The following RDH16 variants were observed in gnomAD, a reference collection of about 807,000 sequenced individuals.
RDH16 encodes the protein human epidermal retinol dehydrogenase.
In RDH16, 25 loss-of-function variants were observed where a neutral mutation model predicts 22.3. The observed-to-expected ratio is 1.12, with a 90% CI of 0.82 to 1.56. RDH16 has a LOEUF of 1.56. Among genes scored for constraint, RDH16 ranks in the 40% most tolerant of loss-of-function variants. The pLI is 0.00. For synonymous variants in RDH16, 154 were observed against 164.4 expected (o/e 0.94, Z 0.48); for missense variants, 413 against 394.9 (o/e 1.05, Z -0.39).
rs1955914303 is a variant in RDH16, at chr12:56,954,983, G to A, written c.495C>T (p.Val165=). 3.7e-6 allele frequency: 6 copies of A among 1,614,052 alleles called. No homozygotes were observed. The highest frequency in any genetic ancestry group is 4.2e-6 in the Non-Finnish European group (5 of 1,180,028). Residue 165 remains valine, a synonymous_variant, in exon 2 of 4, where the codon GTC becomes GTT. Transcript: ENST00000398138. ...ARGRVVNVSS[V]MGRVSLFGGG... ...CACCAAAAAGTGACACCCGGCCCAT[G>A]ACACTGGAGACGTTGACCACACGGC... is the stretch of plus-strand genomic sequence containing the variant.
In RDH16 at chr12:56,952,926, C is replaced by G. The variant is rs140658779; in HGVS notation, c.637G>C (p.Val213Leu). 2 of 1,613,972 alleles carry G rather than the reference C, an allele frequency of 1.2e-6. No individual in the cohort carries two copies. Among genetic ancestry groups the G allele is most frequent in the Admixed American group, 1.7e-5 (1 of 60,000 alleles). Reference protein sequence around the residue: ...MIEPGYFKTAVTSKERFLKSF... With the variant: ...MIEPGYFKTALTSKERFLKSF... ...TTTAAGAATCTCTCCTTACTGGTCA[C>G]AGCAGTCTTGAAATAGCCAGGTTCA... The change falls in exon 3 of 4, where the codon GTG (valine) becomes CTG (leucine). Residue 213 changes from valine (V) to leucine (L), a missense_variant. Coordinates refer to ENST00000398138, the MANE Select transcript of RDH16 (RefSeq NM_003708.5).
rs1175607153 is a variant in RDH16 at position 56,957,532 on chromosome 12, G to A, written c.-70C>T. On this transcript the variant is annotated 5_prime_UTR_variant, in exon 1 of 4. Coordinates refer to ENST00000398138, the MANE Select transcript of RDH16 (RefSeq NM_003708.5). Reference sequence around the variant, plus strand: ...AGTCTGGCCTCTGTTCAGACAGGAGGATTTAAGAACACAGAGGGCTGTGGT... The same window carrying A: ...AGTCTGGCCTCTGTTCAGACAGGAGAATTTAAGAACACAGAGGGCTGTGGT... The A allele has an allele frequency of 8.0e-6, 12 of 1,509,380 alleles. No individual in the cohort carries two copies. Among genetic ancestry groups the A allele is most frequent in the Non-Finnish European group, 1.1e-5 (12 of 1,115,410 alleles). The allele number at this position is 1,509,380 out of a possible 1,614,324, so 93.5% of individuals were successfully genotyped here.
chr12:56,952,954 C>T lies in RDH16; in HGVS notation c.609G>A (p.Met203Ile), dbSNP rs1323820345. 4 of 1,613,744 alleles carry T rather than the reference C, an allele frequency of 2.5e-6. No homozygotes were observed. In the Admixed American group the frequency reaches 5.0e-5, roughly 20 times the overall value. Residue 203 changes from methionine to isoleucine, a missense_variant, in exon 3 of 4, where the codon ATG (methionine) becomes ATA (isoleucine). By Grantham distance (10) the Met-to-Ile change is conservative. Transcript: ENST00000398138. ...ELSYFGVKVA[M>I]IEPGYFKTAV... ...CAGTCTTGAAATAGCCAGGTTCAAT[C>T]ATAGCCACCTTCACCCCAAAGTAGG...
At chr12:56,956,052 C>T (rs1955925864) in intron 1 of RDH16, among the ~76,000 whole-genome samples, 1 of 152,144 alleles carries the variant, frequency 6.6e-6, no homozygotes. Context: ...CAGGGGGTGG[C>T]AGTTGTTGAT....
At chr12:56,954,775 T>C (rs1955911364) in intron 2 of RDH16, 131 bp downstream of exon 2, 3 of 961,044 alleles carry the variant, frequency 3.1e-6, no homozygotes, top group South Asian at 3.4e-5. Context: ...GATGAGGGTG[T>C]CACACATGAA....
In RDH16 at chr12:56,952,264, C is replaced by T. The variant is rs751714293; in HGVS notation, c.737-18G>A. On this transcript the variant is annotated intron_variant, in intron 3 of 3. Coordinates refer to ENST00000398138, the MANE Select transcript of RDH16 (RefSeq NM_003708.5). The stretch of plus-strand genomic sequence containing the variant: ...TTTCTTATCTGTTAAGAATCAGAAA[C>T]AATCCATGTATATTTCCACCTCTAA... 1.2e-6 allele frequency: 2 copies of T among 1,610,520 alleles called. No individual in the cohort carries two copies. Among genetic ancestry groups the T allele is most frequent in the African/African-American group, 1.3e-5 (1 of 74,948 alleles).
rs1955879640 is a variant in RDH16, at chr12:56,951,660, G to C, written c.*369C>G. On this transcript the variant is annotated 3_prime_UTR_variant, in exon 4 of 4. Transcript: ENST00000398138. ...TAGACTGGCCCAGAATTAACACACA[G>C]CCTGATAAGGAAGCAGGAGGTAATG... 3.6e-6 allele frequency: 1 copy of C among 276,510 alleles called. No individual in the cohort carries two copies. The highest frequency in any genetic ancestry group is 2.1e-5 in the African/African-American group (1 of 46,638). The allele number at this position is 276,510 out of a possible 1,614,324, so 17.1% of individuals were successfully genotyped here. A position where few individuals can be genotyped will look rare whatever the true frequency, so the allele number is the denominator to read the frequency against.
chr12:56,957,319 C>CT lies in RDH16; in HGVS notation c.143dup (p.Leu49AlafsTer64). 6.2e-7 allele frequency: 1 copy of CT among 1,614,204 alleles called. No individual in the cohort carries two copies. Among genetic ancestry groups the CT allele is most frequent in the Non-Finnish European group, 8.5e-7 (1 of 1,180,048 alleles). Reference sequence around the variant, plus strand: ...GCACCCGCAAGCCTCGTGCATCCAGCTGTCTGGCCAGCAGTTTCCCGAAGC... The same window carrying CT: ...GCACCCGCAAGCCTCGTGCATCCAGCTTGTCTGGCCAGCAGTTTCCCGAAGC... On this transcript the variant is annotated frameshift_variant, in exon 1 of 4. Coordinates refer to ENST00000398138, the MANE Select transcript of RDH16 (RefSeq NM_003708.5). LOFTEE classifies it high-confidence loss of function.
chr12:56,953,118 T>G, intron 2 of RDH16, 128 bp from the exon 3 acceptor site: 1 of 873,862 alleles, frequency 1.1e-6, no homozygotes, highest in East Asian at 2.6e-5. Context: ...TTGGAATATT[T>G]AATTTCCAGC....
intron 3 of RDH16, 119 bp from the exon 4 acceptor site, chr12:56,952,365 A>C (rs1592430896): frequency 1.1e-6 from 1 of 886,238 alleles, no homozygotes; most frequent in Non-Finnish European, 1.7e-6. Context: ...CCAGTCAAGC[A>C]ATGCCTCAAA....
At position 56,957,571 on chromosome 12, in the gene RDH16, C is replaced by G; in HGVS notation, c.-109G>C. 1 of 1,285,420 alleles carries G rather than the reference C, an allele frequency of 7.8e-7. No homozygotes were observed. Among genetic ancestry groups the G allele is most frequent in the Non-Finnish European group, 1.1e-6 (1 of 930,006 alleles). 79.6% of individuals were successfully genotyped at this position (1,285,420 alleles called of 1,614,324 possible). The stretch of plus-strand genomic sequence containing the variant: ...GAGGGCTGTGGTAGGCAGGGAAGCC[C>G]TCAGGCATTTTGGCAGGGAATCCTC... On this transcript the variant is annotated 5_prime_UTR_variant, in exon 1 of 4. Transcript: ENST00000398138.
rs749014497 is a variant in RDH16, at chr12:56,954,857, C to T, written c.572+49G>A. 3.1e-6 allele frequency: 5 copies of T among 1,600,660 alleles called. No homozygotes were observed. In the East Asian group the frequency reaches 1.1e-4, roughly 36 times the overall value. ...GAACTCCCTGGAAAAGACTTCCCCACAAGGACAGGAGCAGGAAGACTAGGG... is the reference window on the plus strand; with the variant it reads ...GAACTCCCTGGAAAAGACTTCCCCATAAGGACAGGAGCAGGAAGACTAGGG... On this transcript the variant is annotated intron_variant, in intron 2 of 3. Transcript: ENST00000398138.
chr12:56,951,639 C>A lies in RDH16; in HGVS notation c.*390G>T. On this transcript the variant is annotated 3_prime_UTR_variant, in exon 4 of 4. Coordinates refer to ENST00000398138, the MANE Select transcript of RDH16 (RefSeq NM_003708.5). ...TTTCCACCCCGTGGGAGGGTGTAGA[C>A]TGGCCCAGAATTAACACACAGCCTG... The A allele has an allele frequency of 4.2e-6, 1 of 239,338 alleles. No individual in the cohort carries two copies. Among genetic ancestry groups the A allele is most frequent in the Middle Eastern group, 1.6e-3 (1 of 640 alleles). 14.8% of individuals were successfully genotyped at this position (239,338 alleles called of 1,614,324 possible). A position where few individuals can be genotyped will look rare whatever the true frequency, so the allele number is the denominator to read the frequency against.
intron 2 of RDH16, 104 bp from the exon 3 acceptor site, chr12:56,953,094 G>A: frequency 9.8e-7 from 1 of 1,020,858 alleles, no homozygotes; most frequent in East Asian, 2.5e-5. Context: ...AGGACAATGG[G>A]TAAAATAGAA....
chr12:56,955,037 G>T lies in RDH16; in HGVS notation c.441C>A (p.Ser147Arg). 1 of 1,614,164 alleles carries T rather than the reference G, an allele frequency of 6.2e-7. No homozygotes were observed. Among genetic ancestry groups the T allele is most frequent in the Non-Finnish European group, 8.5e-7 (1 of 1,180,034 alleles). The change falls in exon 2 of 4, where the codon AGC becomes AGA. Residue 147 changes from serine (S) to arginine (R), a missense_variant. Physicochemically the swap from Ser to Arg is moderately radical, Grantham distance 110. Coordinates refer to ENST00000398138, the MANE Select transcript of RDH16 (RefSeq NM_003708.5). ...NLLGVIDVTL[S>R]LLPLVRRARG... ...TGGCCCTCCTCACTAAGGGCAGCAG[G>T]CTCAGAGTCACATCAATCACCCCCA...
Position 56,952,109 on chromosome 12 carries a change from G to A in RDH16, c.874C>T (p.Leu292Phe). The A allele has an allele frequency of 6.2e-7, 1 of 1,614,194 alleles. No homozygotes were observed. The highest frequency in any genetic ancestry group is 8.5e-7 in the Non-Finnish European group (1 of 1,180,042). ...AAGGTGGGCATGTAGCTCATGGGGA[G>A]GTAGAGAAGCTTGGCATCCCAGCCA... The part of the protein sequence containing the change: ...SAGWDAKLLY[L>F]PMSYMPTFLV... The change falls in exon 4 of 4, where the codon CTC (leucine) becomes TTC (phenylalanine). Residue 292 changes from leucine to phenylalanine, a missense_variant. Physicochemically the swap from Leu to Phe is conservative, Grantham distance 22. Coordinates refer to ENST00000398138, the MANE Select transcript of RDH16 (RefSeq NM_003708.5).
Position 56,957,394 on chromosome 12 carries a change from C to A in RDH16, c.69G>T (p.Val23=). The A allele has an allele frequency of 6.2e-7, 1 of 1,614,160 alleles. No individual in the cohort carries two copies. The highest frequency in any genetic ancestry group is 8.5e-7 in the Non-Finnish European group (1 of 1,180,030). The part of the protein sequence containing the change: ...YLLHWYRERQ[V]LSHLRDKYVF... ...CATACTTATCTCTCAGGTGGCTCAG[C>A]ACCTGCCTCTCCCGGTACCAGTGCA... Residue 23 remains valine, a synonymous_variant, in exon 1 of 4, where the codon GTG becomes GTT. Coordinates refer to ENST00000398138, the MANE Select transcript of RDH16 (RefSeq NM_003708.5).
intron 3 of RDH16, 129 bp downstream of exon 3, chr12:56,952,698 T>A: frequency 8.4e-7 from 1 of 1,186,334 alleles, no homozygotes; most frequent in Non-Finnish European, 1.2e-6. Context: ...GAAATGGGGC[T>A]AAAGGTCTCC....
chr12:56,956,933 G>A (rs1430133374), intron 1 of RDH16, among the ~76,000 whole-genome samples: 3 of 152,164 alleles, frequency 2.0e-5, no homozygotes, highest in Admixed American at 2.0e-4. Flanking sequence ...TCTCATCAGG[G>A]CAAACTCTCC....
Sources: gnomAD v4.1 joint callset for allele counts (sites outside exome capture counted in the v4.1 genomes callset) on GRCh38, gnomAD v4.1.1 for gene constraint, MANE v1.5 for transcripts, NCBI Gene and HGNC (gene_info 2026-07-23, HGNC 2026-07-21) for gene names.